BTBD9: variants seen among roughly 807,000 people sequenced by gnomAD.
BTBD9 encodes the protein BTB domain containing 9.
A neutral mutation model predicts 64.3 loss-of-function variants in BTBD9; 49 were observed. That is an observed-to-expected ratio of 0.76 (90% CI 0.61 to 0.97). The LOEUF (loss-of-function observed/expected upper bound fraction) is 0.97. BTBD9 is among the 50% of genes least tolerant of loss of function. The pLI is 0.00. For missense variants in BTBD9, 598 were observed against 762.1 expected (o/e 0.78, Z 2.53); for synonymous variants, 260 against 274.7 (o/e 0.95, Z 0.53).
At chr6:38,461,644 T>C (rs867780571) in intron 6 of BTBD9, among the ~76,000 whole-genome samples, 6 of 152,374 alleles carry the variant, frequency 3.9e-5, no homozygotes, top group Middle Eastern at 3.4e-3. Context: ...AGTCTTTGTA[T>C]GGGTATATGC....
At chr6:38,426,823 G>A (rs1236589056) in intron 6 of BTBD9, among the ~76,000 whole-genome samples, 1 of 151,730 alleles carries the variant, frequency 6.6e-6, no homozygotes, top group Non-Finnish European at 1.5e-5. Context: ...AGAACCCCAG[G>A]TCAGAGAACA....
At position 38,174,347 on chromosome 6, in the gene BTBD9, T is replaced by C. The variant is rs942313391; in HGVS notation, c.*638A>G. On this transcript the variant is annotated 3_prime_UTR_variant, in exon 11 of 11. Coordinates refer to ENST00000481247, the MANE Select transcript of BTBD9 (RefSeq NM_001099272.2). ...CAGGATGAGCTGCATCCGTGTCTCA[T>C]TTAGGAGACATGCACGATGGGTCTC... 6.6e-6 allele frequency: 1 copy of C among 152,306 alleles called. No homozygotes were observed. The highest frequency in any genetic ancestry group is 1.5e-5 in the Non-Finnish European group (1 of 68,104). The allele number at this position is 152,306 out of a possible 1,614,324, so 9.4% of individuals were successfully genotyped here. A position where few individuals can be genotyped will look rare whatever the true frequency, so the allele number is the denominator to read the frequency against.
intron 7 of BTBD9, among the ~76,000 whole-genome samples, chr6:38,343,528 CAGTG>C (rs1764177357): frequency 6.6e-6 from 1 of 152,070 alleles, no homozygotes; most frequent in Admixed American, 6.6e-5. Flanking sequence ...GTCAGATATA[CAGTG>C]AGGCCTACAG....
chr6:38,228,747 G>A (rs1435483481), intron 9 of BTBD9, among the ~76,000 whole-genome samples: 8 of 151,654 alleles, frequency 5.3e-5, no homozygotes, highest in Non-Finnish European at 1.2e-4. Flanking sequence ...GGTGGCATGC[G>A]CCTGTAGTCC....
intron 5 of BTBD9, among the ~76,000 whole-genome samples, chr6:38,579,948 A>C (rs1428015602): frequency 3.3e-5 from 5 of 152,250 alleles, no homozygotes; most frequent in Non-Finnish European, 4.4e-5. Flanking sequence ...TAATGAGATT[A>C]CTAGCAATTT....
Position 38,173,752 on chromosome 6 carries a change from C to G in BTBD9, c.*1233G>C, listed in dbSNP as rs1766886109. 1 of 152,298 alleles carries G rather than the reference C, an allele frequency of 6.6e-6. No homozygotes were observed. The highest frequency in any genetic ancestry group is 2.4e-5 in the African/African-American group (1 of 41,444). 9.4% of individuals were successfully genotyped at this position (152,298 alleles called of 1,614,324 possible). ...TGCCATGCCGTCCTGGGGAGACTCCCAGGCTGATGCTGATGGCGACAGAGG... is the reference window on the plus strand; with the variant it reads ...TGCCATGCCGTCCTGGGGAGACTCCGAGGCTGATGCTGATGGCGACAGAGG... On this transcript the variant is annotated 3_prime_UTR_variant, in exon 11 of 11. Transcript: ENST00000481247.
intron 6 of BTBD9, among the ~76,000 whole-genome samples, chr6:38,520,717 T>C (rs1431198587): frequency 6.6e-6 from 1 of 151,768 alleles, no homozygotes; most frequent in Non-Finnish European, 1.5e-5. Context: ...AGGAGCGCTT[T>C]AGCTCAAGAG....
intron 9 of BTBD9, among the ~76,000 whole-genome samples, chr6:38,239,438 CAAAAAAA>C (rs750690746): frequency 8.5e-5 from 5 of 59,060 alleles, no homozygotes; most frequent in African/African-American, 2.7e-4. Flanking sequence ...GACTCTGTCT[CAAAAAAA>C]AAAAAAAAAA....
intron 7 of BTBD9, 136 bp downstream of exon 7, chr6:38,344,848 C>A: frequency 2.0e-6 from 1 of 489,492 alleles, no homozygotes; most frequent in Admixed American, 3.3e-5. Flanking sequence ...GTAAGCCATT[C>A]CCTATGTCAC....
chr6:38,337,692 G>C (rs1016077893), intron 7 of BTBD9, among the ~76,000 whole-genome samples: 6 of 152,184 alleles, frequency 3.9e-5, no homozygotes, highest in Admixed American at 2.0e-4. Flanking sequence ...GAATCAGATG[G>C]TAAGTTTCCT....
intron 7 of BTBD9, among the ~76,000 whole-genome samples, chr6:38,289,138 T>G (rs1761864603): frequency 6.6e-6 from 1 of 152,044 alleles, no homozygotes; most frequent in African/African-American, 2.4e-5. Flanking sequence ...TTTGGGAGGC[T>G]GAGGAGGGCA....
At position 38,433,038 on chromosome 6, in the gene BTBD9, A is replaced by G. The variant is rs543408994; in HGVS notation, c.1155-87945T>C. On this transcript the variant is annotated intron_variant, in intron 6 of 10. Coordinates refer to ENST00000481247, the MANE Select transcript of BTBD9 (RefSeq NM_001099272.2). ...AGATATTCTGTTATAGCAACAGAAA[A>G]CTGAATAAGATAGCCCTATATGATC... is the stretch of plus-strand genomic sequence containing the variant. Among the ~76,000 whole-genome samples, 5 of 152,098 alleles carry G rather than the reference A, an allele frequency of 3.3e-5. No homozygotes were observed. The East Asian group carries it at 9.6e-4, about 29-fold the overall frequency.
chr6:38,418,756 AGAC>A (rs1262131137), intron 6 of BTBD9, among the ~76,000 whole-genome samples: 3 of 152,352 alleles, frequency 2.0e-5, no homozygotes, highest in South Asian at 4.1e-4. Context: ...AAGTTCTTTT[AGAC>A]CTCAGGAATG....
intron 1 of BTBD9, among the ~76,000 whole-genome samples, chr6:38,628,060 T>C (rs1244242565): frequency 1.3e-5 from 2 of 152,232 alleles, no homozygotes; most frequent in Non-Finnish European, 2.9e-5. Flanking sequence ...ATAACTTTTT[T>C]ATTGATAAGC....
chr6:38,323,490 GT>G (rs1763311825), intron 7 of BTBD9, among the ~76,000 whole-genome samples: 1 of 152,194 alleles, frequency 6.6e-6, no homozygotes, highest in African/African-American at 2.4e-5. Context: ...GTAGGGGTGA[GT>G]GTGAGGTCAG....
At chr6:38,258,917 A>G (rs1764702493) in intron 8 of BTBD9, among the ~76,000 whole-genome samples, 1 of 152,160 alleles carries the variant, frequency 6.6e-6, no homozygotes, top group Non-Finnish European at 1.5e-5. Context: ...AAAACAATCA[A>G]TAATAATGAT....
At chr6:38,545,050 T>C (rs747340545) in intron 6 of BTBD9, among the ~76,000 whole-genome samples, 2 of 151,712 alleles carry the variant, frequency 1.3e-5, no homozygotes, top group Non-Finnish European at 2.9e-5. Context: ...TTCAAGAAGT[T>C]TGACTTTTAC....
At chr6:38,302,231 T>C (rs926826269) in intron 7 of BTBD9, among the ~76,000 whole-genome samples, 4 of 151,944 alleles carry the variant, frequency 2.6e-5, no homozygotes, top group Non-Finnish European at 4.4e-5. Context: ...TTATTCCTCC[T>C]CTCTAACTGT....
chr6:38,249,824 T>C (rs1169567886), intron 9 of BTBD9, among the ~76,000 whole-genome samples: 1 of 149,412 alleles, frequency 6.7e-6, no homozygotes, highest in Non-Finnish European at 1.5e-5. Context: ...CAACAACGGG[T>C]AAATGTGGAG....
Sources: gnomAD v4.1 joint callset for allele counts (sites outside exome capture counted in the v4.1 genomes callset) on GRCh38, gnomAD v4.1.1 for gene constraint, MANE v1.5 for transcripts, NCBI Gene and HGNC (gene_info 2026-07-23, HGNC 2026-07-21) for gene names.